Variants in CTIF observed in about 807,000 individuals in gnomAD.
CTIF encodes the protein cap binding complex dependent translation initiation factor.
A neutral mutation model predicts 66.0 loss-of-function variants in CTIF; 21 were observed. That is an observed-to-expected ratio of 0.32 (90% CI 0.23 to 0.46). The LOEUF (loss-of-function observed/expected upper bound fraction) is 0.46, where lower values mean the gene tolerates loss of function less well. Ranked by LOEUF, CTIF falls within the 20% of genes least tolerant of loss-of-function variation. The probability of loss-of-function intolerance (pLI) is 1.00; values close to 1 mark genes in which losing one functional copy is unlikely to be tolerated. For synonymous variants in CTIF, 345 were observed against 326.4 expected (o/e 1.06, Z -0.62); for missense variants, 739 against 812.7 (o/e 0.91, Z 1.10).
At chr18:48,807,418 A>G (rs1296494794) in intron 9 of CTIF, among the ~76,000 whole-genome samples, 1 of 151,998 alleles carries the variant, frequency 6.6e-6, no homozygotes, top group Non-Finnish European at 1.5e-5. Flanking sequence ...TTGAGAGACA[A>G]CTCCTGTGAA....
chr18:48,709,575 G>A (rs1010351902), intron 6 of CTIF, among the ~76,000 whole-genome samples: 3 of 152,222 alleles, frequency 2.0e-5, no homozygotes, highest in Non-Finnish European at 2.9e-5. Context: ...TGCCGCCGCC[G>A]GTAGGGAGCC....
At chr18:48,735,333 G>C (rs972303367) in intron 7 of CTIF, among the ~76,000 whole-genome samples, 4 of 152,306 alleles carry the variant, frequency 2.6e-5, no homozygotes, top group African/African-American at 9.6e-5. Flanking sequence ...AAGAGGCCAA[G>C]CCAGGGAGGA....
At chr18:48,817,127 C>T (rs2068380512) in intron 9 of CTIF, 94 bp from the exon 10 acceptor site, 3 of 1,279,602 alleles carry the variant, frequency 2.3e-6, no homozygotes, top group South Asian at 1.4e-5. Flanking sequence ...TGCCCAGGAG[C>T]AGCCCCAAGA....
intron 6 of CTIF, 128 bp downstream of exon 6, chr18:48,670,872 A>T: frequency 2.7e-6 from 2 of 738,282 alleles, no homozygotes; most frequent in East Asian, 5.3e-5. Flanking sequence ...AACCGCCTGT[A>T]TGGTAGTAAT....
intron 10 of CTIF, among the ~76,000 whole-genome samples, chr18:48,842,022 A>G (rs984478376): frequency 4.6e-5 from 7 of 152,138 alleles, no homozygotes; most frequent in Admixed American, 1.3e-4. Context: ...CTGGTTCTCA[A>G]TCGGGGGCAG....
At chr18:48,636,801 G>A (rs2090831594) in intron 3 of CTIF, 116 bp downstream of exon 3, 11 of 660,984 alleles carry the variant, frequency 1.7e-5, no homozygotes, top group Non-Finnish European at 2.3e-5. Context: ...GCAGAGAGGT[G>A]GGAGAGGGGA....
At chr18:48,827,255 T>C (rs1272538790) in intron 10 of CTIF, among the ~76,000 whole-genome samples, 1 of 152,230 alleles carries the variant, frequency 6.6e-6, no homozygotes, top group Non-Finnish European at 1.5e-5. Flanking sequence ...TGCTACTTCC[T>C]TATTAAACTG....
chr18:48,827,197 A>G (rs2068599496), intron 10 of CTIF, among the ~76,000 whole-genome samples: 1 of 152,228 alleles, frequency 6.6e-6, no homozygotes, highest in African/African-American at 2.4e-5. Flanking sequence ...ACACCATGGA[A>G]GGAACAAAGG....
chr18:48,627,116 C>T (rs2090618454), intron 2 of CTIF, among the ~76,000 whole-genome samples: 1 of 152,156 alleles, frequency 6.6e-6, no homozygotes, highest in Non-Finnish European at 1.5e-5. Context: ...TTCTAGCATA[C>T]ATGTAAGTTT....
chr18:48,708,516 C>T (rs2092187291), intron 6 of CTIF, among the ~76,000 whole-genome samples: 1 of 152,104 alleles, frequency 6.6e-6, no homozygotes, highest in Non-Finnish European at 1.5e-5. Flanking sequence ...TGTAAAAGGC[C>T]CCAGGGAAGG....
In CTIF at chr18:48,592,285, A is replaced by G. The variant is rs1053824783; in HGVS notation, c.-28-27253A>G. Among the ~76,000 whole-genome samples, 11 of 152,052 alleles carry G rather than the reference A, an allele frequency of 7.2e-5. 2 individuals are homozygous for G. Among genetic ancestry groups the G allele is most frequent in the Non-Finnish European group, 1.3e-4 (9 of 68,008 alleles). On this transcript the variant is annotated intron_variant, in intron 1 of 11. Transcript: ENST00000256413. Reference sequence around the variant, plus strand: ...TTGGGAGACTGAGGTGGGCGGATCAACTGAGGTTGGGAGTTTGAGACCAGC... The same window carrying G: ...TTGGGAGACTGAGGTGGGCGGATCAGCTGAGGTTGGGAGTTTGAGACCAGC...
In CTIF at chr18:48,600,548, G is replaced by A. The variant is rs188546902; in HGVS notation, c.-28-18990G>A. Among the ~76,000 whole-genome samples, 8 of 152,146 alleles carry A rather than the reference G, an allele frequency of 5.3e-5. No individual in the cohort carries two copies. In the East Asian group the frequency reaches 1.4e-3, roughly 26 times the overall value. On this transcript the variant is annotated intron_variant, in intron 1 of 11. Transcript: ENST00000256413. ...ATTCGCCTTGGTATCCCAAGGTCTA[G>A]CACAGTGCCTGGCAGACACTGAGGA... is the stretch of plus-strand genomic sequence containing the variant.
chr18:48,805,509 C>T (rs769963833), intron 9 of CTIF, among the ~76,000 whole-genome samples: 9 of 152,120 alleles, frequency 5.9e-5, no homozygotes, highest in Non-Finnish European at 1.0e-4. Flanking sequence ...GGTGGAGCTA[C>T]ATTGACGTCA....
chr18:48,697,570 G>T (rs2092024983), intron 6 of CTIF, among the ~76,000 whole-genome samples: 1 of 152,216 alleles, frequency 6.6e-6, no homozygotes, highest in Admixed American at 6.5e-5. Flanking sequence ...CACAGGGAAA[G>T]GGAGGCCCAG....
At chr18:48,759,263 A>G (rs1298759428) in intron 8 of CTIF, among the ~76,000 whole-genome samples, 1 of 152,186 alleles carries the variant, frequency 6.6e-6, no homozygotes, top group Non-Finnish European at 1.5e-5. Flanking sequence ...GCCCACAGCC[A>G]TTCCCACACA....
intron 10 of CTIF, among the ~76,000 whole-genome samples, chr18:48,851,474 C>G (rs1309758945): frequency 6.6e-6 from 1 of 152,192 alleles, no homozygotes; most frequent in African/African-American, 2.4e-5. Flanking sequence ...GTCTCCCTCT[C>G]TCCTCGGAGG....
chr18:48,814,442 C>T (rs1033944679), intron 9 of CTIF, among the ~76,000 whole-genome samples: 5 of 152,176 alleles, frequency 3.3e-5, no homozygotes, highest in South Asian at 4.1e-4. Flanking sequence ...AGGGCAAGAG[C>T]GTTTAACCCA....
At chr18:48,666,977 A>G (rs1014625741) in intron 5 of CTIF, among the ~76,000 whole-genome samples, 4 of 152,002 alleles carry the variant, frequency 2.6e-5, no homozygotes, top group Admixed American at 6.6e-5. Flanking sequence ...GAGCTTGGGT[A>G]TGCCACAGGA....
At position 48,832,635 on chromosome 18, in the gene CTIF, C is replaced by T. The variant is rs1329622615; in HGVS notation, c.1527+15259C>T. On this transcript the variant is annotated intron_variant, in intron 10 of 11. Transcript: ENST00000256413. ...CCGAGTGTGTGGAAGGCACAATTAGCTCATTCTTGCATTGCCCCTTGATTA... is the reference window on the plus strand; with the variant it reads ...CCGAGTGTGTGGAAGGCACAATTAGTTCATTCTTGCATTGCCCCTTGATTA... 2.0e-5 allele frequency among the ~76,000 whole-genome samples: 3 copies of T among 152,296 alleles called. No individual in the cohort carries two copies. The East Asian group carries it at 5.8e-4, about 29-fold the overall frequency.
Sources: gnomAD v4.1 joint callset for allele counts (sites outside exome capture counted in the v4.1 genomes callset) on GRCh38, gnomAD v4.1.1 for gene constraint, MANE v1.5 for transcripts, NCBI Gene and HGNC (gene_info 2026-07-23, HGNC 2026-07-21) for gene names.